CC2D2B: variants seen among roughly 807,000 people sequenced by gnomAD.
The protein encoded by CC2D2B is coiled-coil and C2 domain containing 2B.
In CC2D2B, 128 loss-of-function variants were observed where a neutral mutation model predicts 161.2. That is an observed-to-expected ratio of 0.79 (90% confidence interval 0.69 to 0.92). The LOEUF (loss-of-function observed/expected upper bound fraction) is 0.92, where lower values mean the gene tolerates loss of function less well. Ranked by LOEUF, CC2D2B falls within the 40% of genes least tolerant of loss-of-function variation. The pLI is 0.00. For missense variants in CC2D2B, 1,173 were observed against 1,375.1 expected, an observed-to-expected ratio of 0.85 and a Z score of 2.32; for synonymous variants, 391 against 449.8, an observed-to-expected ratio of 0.87 and a Z score of 1.65.
chr10:95,951,091 T>G (rs1420487201), intron 10 of CC2D2B, among the ~76,000 whole-genome samples: 1 of 152,182 alleles, frequency 6.6e-6, no homozygotes, highest in Non-Finnish European at 1.5e-5. Flanking sequence ...AGTGCTGAGA[T>G]TACAGGCATG....
At chr10:95,999,204 T>C (rs1399866719) in intron 24 of CC2D2B, among the ~76,000 whole-genome samples, 1 of 152,264 alleles carries the variant, frequency 6.6e-6, no homozygotes, top group African/African-American at 2.4e-5. Context: ...CATAGTCATA[T>C]AGTTGGAATC....
At chr10:96,028,519 G>A (rs929156826) in intron 34 of CC2D2B, among the ~76,000 whole-genome samples, 16 of 152,174 alleles carry the variant, frequency 1.1e-4, no homozygotes, top group South Asian at 8.3e-4. Flanking sequence ...TTTGTACACC[G>A]TTAGTGGGAA....
intron 1 of CC2D2B, among the ~76,000 whole-genome samples, chr10:95,909,429 T>G (rs1023166739): frequency 6.6e-5 from 10 of 152,200 alleles, no homozygotes; most frequent in Non-Finnish European, 1.3e-4. Flanking sequence ...CTAATTCAAA[T>G]TAAGTCTGGA....
chr10:95,934,955 C>G (rs539315392), intron 6 of CC2D2B, among the ~76,000 whole-genome samples: 1 of 152,302 alleles, frequency 6.6e-6, no homozygotes, highest in South Asian at 2.1e-4. Context: ...ACTGCAACCT[C>G]TGTCTCCTGG....
At chr10:95,981,873 T>A (rs574238337) in intron 17 of CC2D2B, 102 bp from the exon 18 acceptor site, 9 of 581,548 alleles carry the variant, frequency 1.5e-5, no homozygotes, top group Non-Finnish European at 2.0e-5. Context: ...TATCTTCAAA[T>A]ACCCAGAATG....
At chr10:95,927,123 C>A (rs1367572663) in intron 5 of CC2D2B, 114 bp from the exon 6 acceptor site, 2 of 554,726 alleles carry the variant, frequency 3.6e-6, no homozygotes, top group Non-Finnish European at 6.3e-6. Flanking sequence ...TGCCTTGGTG[C>A]TCCCTGTTTG....
chr10:95,978,510 C>G (rs1429708843), intron 17 of CC2D2B, among the ~76,000 whole-genome samples: 1 of 152,190 alleles, frequency 6.6e-6, no homozygotes, highest in East Asian at 1.9e-4. Flanking sequence ...GCAGGTGCCA[C>G]CACATCCAGC....
chr10:95,908,801 G>A (rs1348113806), intron 1 of CC2D2B, among the ~76,000 whole-genome samples: 1 of 151,260 alleles, frequency 6.6e-6, no homozygotes, highest in African/African-American at 2.4e-5. Flanking sequence ...AGAGCTTCTG[G>A]GCCTCCTGGC....
At chr10:95,999,529 A>G (rs1390134694) in intron 24 of CC2D2B, among the ~76,000 whole-genome samples, 1 of 151,890 alleles carries the variant, frequency 6.6e-6, no homozygotes, top group Non-Finnish European at 1.5e-5. Flanking sequence ...CAGTACAAAT[A>G]TTTCATAAAT....
intron 24 of CC2D2B, chr10:96,000,073 G>C: frequency 6.7e-6 from 10 of 1,483,928 alleles, no homozygotes; most frequent in Non-Finnish European, 9.0e-6. Context: ...CAGTTTTGCC[G>C]TGGTAACACC....
chr10:95,993,950 G>GTATATATA (rs1423889937), intron 22 of CC2D2B, among the ~76,000 whole-genome samples: 1 of 13,718 alleles, frequency 7.3e-5, no homozygotes, highest in Admixed American at 8.7e-4. Context: ...GTGTATGTAT[G>GTATATATA]TGTATATATA....
intron 5 of CC2D2B, among the ~76,000 whole-genome samples, chr10:95,926,629 C>A (rs2098538988): frequency 6.6e-6 from 1 of 151,586 alleles, no homozygotes; most frequent in Non-Finnish European, 1.5e-5. Flanking sequence ...ATTCCTTTCC[C>A]AAGCCTTCCT....
In CC2D2B at chr10:96,003,021, A is replaced by AATATATATATATAT. The variant is rs57187442; in HGVS notation, c.2850-1121_2850-1108dup. On this transcript the variant is annotated intron_variant, in intron 24 of 34. Coordinates refer to ENST00000646931, the MANE Select transcript of CC2D2B (RefSeq NM_001349008.3). ...TAGACCCTGTCTCAAAAAATAAATA[A>AATATATATATATAT]ATATATATATATATATATATATAGA... 5.2e-3 allele frequency among the ~76,000 whole-genome samples: 726 copies of AATATATATATATAT among 140,580 alleles called. 10 individuals carry two copies. Among genetic ancestry groups the AATATATATATATAT allele is most frequent in the African/African-American group, 0.018 (702 of 38,406 alleles). 92.2% of individuals were successfully genotyped at this position (140,580 alleles called of 152,430 possible).
chr10:96,000,026 A>G (rs2078406923), intron 24 of CC2D2B: 2 of 1,370,476 alleles, frequency 1.5e-6, no homozygotes, highest in African/African-American at 1.5e-5. Context: ...GTTTACAACA[A>G]TGCCAACAGC....
At chr10:95,945,192 CT>C (rs2076154419) in intron 9 of CC2D2B, among the ~76,000 whole-genome samples, 1 of 152,216 alleles carries the variant, frequency 6.6e-6, no homozygotes, top group African/African-American at 2.4e-5. Flanking sequence ...CTCAGGTACT[CT>C]GTTATAGTAG....
At chr10:95,945,525 T>C (rs1306551363) in intron 9 of CC2D2B, among the ~76,000 whole-genome samples, 1 of 152,204 alleles carries the variant, frequency 6.6e-6, no homozygotes, top group Non-Finnish European at 1.5e-5. Flanking sequence ...ACCATTTGAC[T>C]ATGACCTTCC....
chr10:95,978,484 G>A (rs766531097), intron 17 of CC2D2B, among the ~76,000 whole-genome samples: 1 of 152,176 alleles, frequency 6.6e-6, no homozygotes, highest in African/African-American at 2.4e-5. Context: ...AGCCTCCCGA[G>A]TAGCTGAGAC....
At chr10:95,944,174 A>G (rs1445077778) in intron 9 of CC2D2B, among the ~76,000 whole-genome samples, 1 of 152,176 alleles carries the variant, frequency 6.6e-6, no homozygotes, top group African/African-American at 2.4e-5. Flanking sequence ...AATATAATTT[A>G]GAAGATAAAG....
intron 2 of CC2D2B, among the ~76,000 whole-genome samples, chr10:95,911,753 G>A (rs937861029): frequency 1.3e-5 from 2 of 152,102 alleles, no homozygotes; most frequent in African/African-American, 4.8e-5. Flanking sequence ...CTTCTAGATG[G>A]AAATGAGAAC....
Sources: gnomAD v4.1 joint callset for allele counts (sites outside exome capture counted in the v4.1 genomes callset) on GRCh38, gnomAD v4.1.1 for gene constraint, MANE v1.5 for transcripts, NCBI Gene and HGNC (gene_info 2026-07-23, HGNC 2026-07-21) for gene names.